The following STK3 variants were observed in gnomAD, a reference collection of about 807,000 sequenced individuals.
The protein encoded by STK3 is serine/threonine kinase 3, also known as serine/threonine-protein kinase 3.
A neutral mutation model predicts 58.0 loss-of-function variants in STK3; 41 were observed. That is an observed-to-expected ratio of 0.71 (90% CI 0.55 to 0.92). The LOEUF (loss-of-function observed/expected upper bound fraction) is 0.92, where lower values mean the gene tolerates loss of function less well. STK3 is among the 40% of genes least tolerant of loss of function. STK3 has a pLI of 0.00. For synonymous variants in STK3, 170 were observed against 191.0 expected (o/e 0.89, Z 0.91); for missense variants, 479 against 602.7 (o/e 0.79, Z 2.15).
chr8:98,376,635 C>T (rs1817678043), intron 2 of STK3, among the ~76,000 whole-genome samples: 1 of 152,146 alleles, frequency 6.6e-6, no homozygotes, highest in Non-Finnish European at 1.5e-5. Flanking sequence ...ATATAGATAT[C>T]CAATTGTTCC....
intron 2 of STK3, among the ~76,000 whole-genome samples, chr8:98,378,486 C>G (rs998432630): frequency 6.6e-6 from 1 of 152,172 alleles, no homozygotes; most frequent in Non-Finnish European, 1.5e-5. Flanking sequence ...GTGACTTGGG[C>G]AAATTATTTA....
At chr8:98,868,323 C>G (rs948964592) in intron 3 of STK3, among the ~76,000 whole-genome samples, 1 of 152,170 alleles carries the variant, frequency 6.6e-6, no homozygotes, top group Non-Finnish European at 1.5e-5. Flanking sequence ...ATCCCACAGC[C>G]GAAGGAGAAA....
chr8:98,621,151 G>A (rs1469647876), intron 6 of STK3, among the ~76,000 whole-genome samples: 3 of 152,030 alleles, frequency 2.0e-5, no homozygotes, highest in Admixed American at 6.6e-5. Flanking sequence ...CGTTTTAGCC[G>A]GGATGGTCTC....
intron 1 of STK3, among the ~76,000 whole-genome samples, chr8:98,441,111 C>T (rs1024338653): frequency 3.3e-5 from 5 of 152,178 alleles, no homozygotes; most frequent in African/African-American, 4.8e-5. Context: ...TGTAATTCCA[C>T]GATAGTTGAA....
intron 6 of STK3, among the ~76,000 whole-genome samples, chr8:98,672,565 C>T (rs977692043): frequency 2.6e-5 from 4 of 152,122 alleles, no homozygotes; most frequent in African/African-American, 9.7e-5. Context: ...CAGGCACTAG[C>T]ACATTTAGAA....
intron 3 of STK3, among the ~76,000 whole-genome samples, chr8:98,873,459 A>G (rs1245978072): frequency 6.6e-6 from 1 of 152,066 alleles, no homozygotes; most frequent in Admixed American, 6.5e-5. Flanking sequence ...TCCCATTATT[A>G]TTGTGTGGGA....
intron 1 of STK3, chr8:98,921,671 C>A (rs1409975807): frequency 6.6e-6 from 1 of 152,136 alleles, no homozygotes; most frequent in Admixed American, 6.5e-5. Flanking sequence ...CCATTTCTTT[C>A]TTTTCTTTTT....
At chr8:98,470,491 G>C (rs745322679) in intron 10 of STK3, among the ~76,000 whole-genome samples, 1 of 152,164 alleles carries the variant, frequency 6.6e-6, no homozygotes, top group South Asian at 2.1e-4. Flanking sequence ...TCAGTACAAG[G>C]CCTTTTAAGT....
At chr8:98,586,705 A>C (rs560437815) in intron 7 of STK3, among the ~76,000 whole-genome samples, 14 of 151,726 alleles carry the variant, frequency 9.2e-5, no homozygotes, top group African/African-American at 2.2e-4. Flanking sequence ...TGGTAGAATT[A>C]GGCTGTGAAT....
chr8:98,885,303 C>T (rs1486954564), intron 1 of STK3, among the ~76,000 whole-genome samples: 2 of 152,222 alleles, frequency 1.3e-5, no homozygotes, highest in Non-Finnish European at 2.9e-5. Context: ...AGGCTTCAGA[C>T]CAAGGACTTG....
chr8:98,351,331 A>G, the STK3 span, among the ~76,000 whole-genome samples: 1 of 152,218 alleles, frequency 6.6e-6, no homozygotes, highest in Non-Finnish European at 1.5e-5. Flanking sequence ...GACAATGGAG[A>G]CATAGTACAA....
chr8:98,496,024 A>G (rs961820565), intron 10 of STK3, among the ~76,000 whole-genome samples: 1 of 152,162 alleles, frequency 6.6e-6, no homozygotes, highest in African/African-American at 2.4e-5. Flanking sequence ...AGCACCTTAT[A>G]TATTTTCAAT....
At chr8:98,898,287 G>A (rs1292991728) in intron 1 of STK3, among the ~76,000 whole-genome samples, 1 of 152,194 alleles carries the variant, frequency 6.6e-6, no homozygotes, top group Non-Finnish European at 1.5e-5. Context: ...GTTTATTCCT[G>A]TCAAACAGAC....
chr8:98,465,443 C>T (rs1820390958), intron 10 of STK3, among the ~76,000 whole-genome samples: 1 of 152,160 alleles, frequency 6.6e-6, no homozygotes, highest in African/African-American at 2.4e-5. Flanking sequence ...TCCCAACTTT[C>T]CTGTCAGATT....
intron 1 of STK3, among the ~76,000 whole-genome samples, chr8:98,785,514 C>T (rs923932705): frequency 7.2e-5 from 11 of 152,162 alleles, no homozygotes; most frequent in African/African-American, 2.4e-4. Context: ...GAGGGTCTGG[C>T]GGTGAGCCTG....
At chr8:98,390,579 A>C (rs1356240383), upstream of STK3, among the ~76,000 whole-genome samples, 2 of 151,880 alleles carry the variant, frequency 1.3e-5, no homozygotes, top group East Asian at 3.8e-4. Flanking sequence ...ACCAAATTTG[A>C]TAATTTTTCA....
chr8:98,858,517 A>G (rs1226209436), intron 3 of STK3, among the ~76,000 whole-genome samples: 1 of 150,832 alleles, frequency 6.6e-6, no homozygotes, highest in East Asian at 1.9e-4. Flanking sequence ...TGTTTAACCG[A>G]AAAAGGTTGA....
chr8:98,864,498 A>G (rs971751455), intron 3 of STK3, among the ~76,000 whole-genome samples: 5 of 152,146 alleles, frequency 3.3e-5, no homozygotes, highest in Non-Finnish European at 7.3e-5. Context: ...GCTATTGGTA[A>G]TGTCTGTTTT....
At chr8:98,873,357 G>T (rs986008091) in intron 3 of STK3, among the ~76,000 whole-genome samples, 2 of 152,154 alleles carry the variant, frequency 1.3e-5, no homozygotes, top group South Asian at 2.1e-4. Context: ...TATTAGGTCC[G>T]CTTGGTTCAG....
Sources: allele counts gnomAD v4.1 joint callset (sites outside exome capture counted in the v4.1 genomes callset), GRCh38; gene constraint gnomAD v4.1.1; transcripts MANE v1.5; gene names NCBI Gene and HGNC (gene_info 2026-07-23, HGNC 2026-07-21).